Variants in SAP30 observed in about 807,000 individuals in gnomAD.
SAP30 encodes histone deacetylase complex subunit SAP30.
A neutral mutation model predicts 19.6 loss-of-function variants in SAP30; 13 were observed. The ratio of observed to expected loss-of-function variants is 0.66; its 90% CI spans 0.43 to 1.05. The LOEUF is 1.05. Among genes scored for constraint, SAP30 ranks in the 50% least tolerant of loss-of-function variants. The pLI, the probability that SAP30 is intolerant of heterozygous loss-of-function variation, is 0.00. For missense variants in SAP30, 257 were observed against 292.1 expected (o/e 0.88, Z 0.88); for synonymous variants, 108 against 122.7 (o/e 0.88, Z 0.79).
At chr4:173,373,302 A>T in intron 1 of SAP30, 88 bp from the exon 2 acceptor site, 2 of 1,226,966 alleles carry the variant, frequency 1.6e-6, no homozygotes, top group Non-Finnish European at 2.2e-6. Flanking sequence ...CTTTATTTTT[A>T]AGAACTCACT....
chr4:173,373,803 A>G, intron 2 of SAP30, 136 bp from the exon 3 acceptor site: 1 of 469,364 alleles, frequency 2.1e-6, no homozygotes. Context: ...GTTGGATTAT[A>G]TAAATTTTTT....
In SAP30 at chr4:173,370,997, C is replaced by T; in HGVS notation, c.-186C>T. On this transcript the variant is annotated 5_prime_UTR_variant, in exon 1 of 4. Transcript: ENST00000296504. ...TCCAGGAGACGCTCGAGTCTGCGTC[C>T]CGGCCCTCAGCACTGTCCACTGTTT... 1 of 467,784 alleles carries T rather than the reference C, an allele frequency of 2.1e-6. No homozygotes were observed. The allele number at this position is 467,784 out of a possible 1,614,324, so 29.0% of individuals were successfully genotyped here.
At chr4:173,372,995 G>A (rs749261003) in intron 1 of SAP30, among the ~76,000 whole-genome samples, 2 of 152,138 alleles carry the variant, frequency 1.3e-5, no homozygotes, top group Non-Finnish European at 2.9e-5. Context: ...TGTTGGCCAG[G>A]CTTGTGTGGA....
intron 3 of SAP30, among the ~76,000 whole-genome samples, 157 bp from the exon 4 acceptor site, chr4:173,377,048 C>T (rs1048813435): frequency 3.3e-5 from 5 of 152,028 alleles, no homozygotes; most frequent in Non-Finnish European, 5.9e-5. Context: ...TTCTTGAATG[C>T]TTTCTGTCTT....
intron 3 of SAP30, among the ~76,000 whole-genome samples, chr4:173,376,051 G>A (rs1405546652): frequency 1.3e-5 from 2 of 152,210 alleles, no homozygotes; most frequent in African/African-American, 4.8e-5. Context: ...TGCCTTCCGT[G>A]AAATCTATCT....
intron 2 of SAP30, 152 bp downstream of exon 2, chr4:173,373,667 A>G: frequency 1.2e-6 from 1 of 803,032 alleles, no homozygotes; most frequent in Non-Finnish European, 1.9e-6. Context: ...ACATGCATTT[A>G]CACAGTTTGA....
In SAP30 at chr4:173,371,120, G is replaced by A; in HGVS notation, c.-63G>A. ...AGTGAATTGCCGCTGCCGGAGCGGA[G>A]AGAGGCGGAGCGGCCAGGAGAGAGG... is the stretch of plus-strand genomic sequence containing the variant. On this transcript the variant is annotated 5_prime_UTR_variant, in exon 1 of 4. Coordinates refer to ENST00000296504, the MANE Select transcript of SAP30 (RefSeq NM_003864.4). The surrounding 1 kb of genome is among the most constrained non-coding windows in gnomAD (Gnocchi z 6.4). 7.2e-7 allele frequency: 1 copy of A among 1,393,478 alleles called. No individual in the cohort carries two copies. Among genetic ancestry groups the A allele is most frequent in the Non-Finnish European group, 9.3e-7 (1 of 1,072,256 alleles). The allele number at this position is 1,393,478 out of a possible 1,614,324, so 86.3% of individuals were successfully genotyped here.
chr4:173,371,470 G>A lies in SAP30; in HGVS notation c.288G>A (p.Lys96=). 3 of 1,589,932 alleles carry A rather than the reference G, an allele frequency of 1.9e-6. No individual in the cohort carries two copies. The highest frequency in any genetic ancestry group is 1.1e-5 in the South Asian group (1 of 91,004). ...GGATCCAGAAGAGCATCTCCCAGAA[G>A]AAGGTGAAGATCGAGCTGGATAAGA... is the stretch of plus-strand genomic sequence containing the variant. The part of the protein sequence containing the change: ...SKRIQKSISQ[K]KVKIELDKSA... Residue 96 remains lysine, a synonymous_variant, in exon 1 of 4, where the codon AAG becomes AAA. Coordinates refer to ENST00000296504, the MANE Select transcript of SAP30 (RefSeq NM_003864.4). The surrounding 1 kb of genome is among the most constrained non-coding windows in gnomAD (Gnocchi z 6.4).
At chr4:173,372,664 T>C (rs1488800731) in intron 1 of SAP30, among the ~76,000 whole-genome samples, 1 of 152,242 alleles carries the variant, frequency 6.6e-6, no homozygotes, top group Admixed American at 6.5e-5. Flanking sequence ...ATTACTAAAA[T>C]ATGCTGTTCT....
chr4:173,373,399 CT>C lies in SAP30; in HGVS notation c.328del (p.Tyr110ThrfsTer9), dbSNP rs1457921014. The stretch of plus-strand genomic sequence containing the variant: ...AACTTTTCTGTTTCAGGCAAGGCAT[CT>C]TTACATATGTGATTATCATAAAAAC... ...KIELDKSARH[L>X]YICDYHKNLI... On this transcript the variant is annotated frameshift_variant, in exon 2 of 4. Transcript: ENST00000296504. LOFTEE classifies it high-confidence loss of function. 2.5e-6 allele frequency: 4 copies of C among 1,599,946 alleles called. No individual in the cohort carries two copies. The highest frequency in any genetic ancestry group is 2.6e-6 in the Non-Finnish European group (3 of 1,173,948).
intron 1 of SAP30, among the ~76,000 whole-genome samples, chr4:173,372,814 ACT>A (rs982925885): frequency 2.0e-5 from 3 of 152,026 alleles, no homozygotes; most frequent in African/African-American, 7.2e-5. Flanking sequence ...ACAAAGTCTC[ACT>A]CTGTTGCCCA....
rs748367722 is a variant in SAP30 at position 173,373,437 on chromosome 4, T to C, written c.363T>C (p.Ser121=). Residue 121 remains serine, a synonymous_variant, in exon 2 of 4, where the codon AGT becomes AGC. Transcript: ENST00000296504. The stretch of plus-strand genomic sequence containing the variant: ...ATTATCATAAAAACTTAATTCAGAG[T>C]GTTCGAAACAGAAGAAAGAGAAAAG... ...ICDYHKNLIQ[S]VRNRRKRKGS... The C allele has an allele frequency of 4.3e-6, 7 of 1,612,160 alleles. No individual in the cohort carries two copies. The highest frequency in any genetic ancestry group is 5.9e-6 in the Non-Finnish European group (7 of 1,179,212).
chr4:173,375,912 C>T (rs2126906132), intron 3 of SAP30, among the ~76,000 whole-genome samples: 1 of 152,278 alleles, frequency 6.6e-6, no homozygotes, highest in Non-Finnish European at 1.5e-5. Context: ...GGAGTCCAAA[C>T]CCTCTTGTGA....
Position 173,374,208 on chromosome 4 carries a change from A to G in SAP30, c.540+171A>G, listed in dbSNP as rs1332292599. Among the ~76,000 whole-genome samples the G allele has an allele frequency of 1.1e-3, 166 of 152,224 alleles. 1 individual carries two copies. Among genetic ancestry groups the G allele is most frequent in the Non-Finnish European group, 1.2e-4 (8 of 68,040 alleles). On this transcript the variant is annotated intron_variant, in intron 3 of 3. Coordinates refer to ENST00000296504, the MANE Select transcript of SAP30 (RefSeq NM_003864.4). ...GTGTAGAAATGTTTGTCTGCCACTT[A>G]GGAAATTCCTTTTTGTAATGACTGC... is the stretch of plus-strand genomic sequence containing the variant.
At chr4:173,374,844 T>C (rs1244379370) in intron 3 of SAP30, among the ~76,000 whole-genome samples, 1 of 152,092 alleles carries the variant, frequency 6.6e-6, no homozygotes, top group East Asian at 1.9e-4. Flanking sequence ...GAGACATCCA[T>C]GTTTTTTTCA....
intron 1 of SAP30, among the ~76,000 whole-genome samples, chr4:173,372,490 A>G (rs985573546): frequency 6.6e-6 from 1 of 152,234 alleles, no homozygotes; most frequent in African/African-American, 2.4e-5. Context: ...ATTGTTTTGG[A>G]AAAATGTGTT....
chr4:173,371,430 C>G lies in SAP30; in HGVS notation c.248C>G (p.Ala83Gly). The change falls in exon 1 of 4, where the codon GCC becomes GGC. Residue 83 changes from alanine (A) to glycine (G), a missense_variant. Ala to Gly is a moderately conservative substitution (Grantham distance 60). Transcript: ENST00000296504. The surrounding 1 kb of genome is among the most constrained non-coding windows in gnomAD (Gnocchi z 6.4). Reference sequence around the variant, plus strand: ...CGGTGCGGCCGGGCGGCAGGCAACGCCAGCTTCAGCAAGAGGATCCAGAAG... The same window carrying G: ...CGGTGCGGCCGGGCGGCAGGCAACGGCAGCTTCAGCAAGAGGATCCAGAAG... ...GERCGRAAGNASFSKRIQKSI... is the reference protein window; with the variant it reads ...GERCGRAAGNGSFSKRIQKSI... The G allele has an allele frequency of 1.3e-6, 2 of 1,592,330 alleles. No homozygotes were observed. The highest frequency in any genetic ancestry group is 1.7e-6 in the Non-Finnish European group (2 of 1,176,472).
In SAP30 at chr4:173,377,372, A is replaced by G; in HGVS notation, c.*45A>G. ...AATAACTTGGATGTTAACACTGTTT[A>G]CTGTTTTTTCACATGTAGAAATGTT... On this transcript the variant is annotated 3_prime_UTR_variant, in exon 4 of 4. Coordinates refer to ENST00000296504, the MANE Select transcript of SAP30 (RefSeq NM_003864.4). 1 of 1,549,634 alleles carries G rather than the reference A, an allele frequency of 6.5e-7. No homozygotes were observed. Among genetic ancestry groups the G allele is most frequent in the Non-Finnish European group, 8.7e-7 (1 of 1,152,182 alleles).
chr4:173,376,076 G>C (rs1385887698), intron 3 of SAP30, among the ~76,000 whole-genome samples: 1 of 152,208 alleles, frequency 6.6e-6, no homozygotes, highest in Non-Finnish European at 1.5e-5. Context: ...TGCCAAAAAG[G>C]TTGGGGACCA....
Sources: gnomAD v4.1 joint callset for allele counts (sites outside exome capture counted in the v4.1 genomes callset) on GRCh38, gnomAD v4.1.1 for gene constraint, Gnocchi (gnomAD v3.1) non-coding constraint, MANE v1.5 for transcripts, NCBI Gene and HGNC (gene_info 2026-07-23, HGNC 2026-07-21) for gene names.